GNA13: variants seen among roughly 807,000 people sequenced by gnomAD.
GNA13 encodes guanine nucleotide-binding protein subunit alpha-13.
GNA13 carries 4 observed loss-of-function variants against 33.5 expected under a neutral mutation model. That is an observed-to-expected ratio of 0.12 (90% CI 0.06 to 0.27). The LOEUF (loss-of-function observed/expected upper bound fraction) is 0.27. Among genes scored for constraint, GNA13 ranks in the 10% least tolerant of loss-of-function variants. The pLI is 1.00. For synonymous variants in GNA13, 176 were observed against 183.8 expected, an observed-to-expected ratio of 0.96 and a Z score of 0.34; for missense variants, 319 against 487.2, an observed-to-expected ratio of 0.65 and a Z score of 3.25.
At chr17:65,042,724 G>A (rs983849109) in intron 2 of GNA13, among the ~76,000 whole-genome samples, 15 of 152,012 alleles carry the variant, frequency 9.9e-5, no homozygotes, top group African/African-American at 2.9e-4. Flanking sequence ...GCAACAGAGC[G>A]AGACTCCATC....
Position 65,023,544 on chromosome 17 carries a change from T to C in GNA13, c.511-5241A>G, listed in dbSNP as rs1221698346. The stretch of plus-strand genomic sequence containing the variant: ...GGGCAGACTTGATTTGATTTCTGAA[T>C]GAATTCAACCTAAAATTACAAGGCA... On this transcript the variant is annotated intron_variant, in intron 2 of 3. Coordinates refer to ENST00000439174, the MANE Select transcript of GNA13 (RefSeq NM_006572.6). Among the ~76,000 whole-genome samples, 5 of 152,254 alleles carry C rather than the reference T, an allele frequency of 3.3e-5. 1 individual carries two copies. The highest frequency in any genetic ancestry group is 1.2e-4 in the African/African-American group (5 of 41,468).
In GNA13 at chr17:65,010,669, T is replaced by C. The variant is rs1906157635; in HGVS notation, c.*3588A>G. On this transcript the variant is annotated 3_prime_UTR_variant, in exon 4 of 4. Transcript: ENST00000439174. ...AAAAAGACATGAGCAAAACTTCTGG[T>C]CTTAATTTCTCAAATAAAACTAAAA... 1 of 204,746 alleles carries C rather than the reference T, an allele frequency of 4.9e-6. No individual in the cohort carries two copies. 12.7% of individuals were successfully genotyped at this position (204,746 alleles called of 1,614,324 possible). A position where few individuals can be genotyped will look rare whatever the true frequency, so the allele number is the denominator to read the frequency against.
rs2143779536 is a variant in GNA13, at chr17:65,022,091, T to C, written c.511-3788A>G. On this transcript the variant is annotated intron_variant, in intron 2 of 3. Coordinates refer to ENST00000439174, the MANE Select transcript of GNA13 (RefSeq NM_006572.6). The stretch of plus-strand genomic sequence containing the variant: ...GGCCAAATCCAACCCAATGCCTGTT[T>C]TTGTACGGCTCATTTTTAAATGGTT... Among the ~76,000 whole-genome samples, 2 of 152,330 alleles carry C rather than the reference T, an allele frequency of 1.3e-5. 1 individual carries two copies. The highest frequency in any genetic ancestry group is 4.1e-4 in the South Asian group (2 of 4,830).
intron 2 of GNA13, among the ~76,000 whole-genome samples, chr17:65,041,218 A>G (rs967863923): frequency 2.6e-5 from 4 of 152,198 alleles, no homozygotes; most frequent in African/African-American, 9.6e-5. Context: ...AACCTTTCCA[A>G]AAGAGTTTAA....
At chr17:65,028,087 G>A (rs564039713) in intron 2 of GNA13, among the ~76,000 whole-genome samples, 3 of 152,326 alleles carry the variant, frequency 2.0e-5, no homozygotes, top group East Asian at 3.9e-4. Context: ...TCAGCCGGGC[G>A]CGGTGGCGGG....
At chr17:65,015,319 C>A (rs1906323940) in intron 3 of GNA13, among the ~76,000 whole-genome samples, 1 of 152,108 alleles carries the variant, frequency 6.6e-6, no homozygotes, top group African/African-American at 2.4e-5. Flanking sequence ...CCAGAGTGAT[C>A]TTCCTGTCTG....
Position 65,012,399 on chromosome 17 carries a change from C to A in GNA13, c.*1858G>T, listed in dbSNP as rs1906222812. The A allele has an allele frequency of 4.5e-6, 1 of 221,918 alleles. No homozygotes were observed. 13.7% of individuals were successfully genotyped at this position (221,918 alleles called of 1,614,324 possible). A position where few individuals can be genotyped will look rare whatever the true frequency, so the allele number is the denominator to read the frequency against. ...ATTATGCTAATTTTGTGAATTTAAA[C>A]AATGTATTCTTTTTGGCAAGAAGCA... is the stretch of plus-strand genomic sequence containing the variant. On this transcript the variant is annotated 3_prime_UTR_variant, in exon 4 of 4. Coordinates refer to ENST00000439174, the MANE Select transcript of GNA13 (RefSeq NM_006572.6).
At chr17:65,044,375 C>CTAT (rs1481536155) in intron 2 of GNA13, among the ~76,000 whole-genome samples, 1 of 151,958 alleles carries the variant, frequency 6.6e-6, no homozygotes, top group Non-Finnish European at 1.5e-5. Flanking sequence ...GATAGGTTCA[C>CTAT]AATATAGACA....
Position 65,014,908 on chromosome 17 carries a change from T to C in GNA13, c.562-79A>G. Reference sequence around the variant, plus strand: ...TTTAATGGACTACTAACTGGACTAGTGAATAGATATGCAAACAAAATGATC... The same window carrying C: ...TTTAATGGACTACTAACTGGACTAGCGAATAGATATGCAAACAAAATGATC... On this transcript the variant is annotated intron_variant, in intron 3 of 3. Transcript: ENST00000439174. This position sits in a 1 kb window ranked among gnomAD's most constrained non-coding sequence, Gnocchi z 5.3. The C allele has an allele frequency of 1.4e-6, 1 of 739,418 alleles. No individual in the cohort carries two copies. Among genetic ancestry groups the C allele is most frequent in the Non-Finnish European group, 2.3e-6 (1 of 438,148 alleles). The allele number at this position is 739,418 out of a possible 1,614,324, so 45.8% of individuals were successfully genotyped here. A position where few individuals can be genotyped will look rare whatever the true frequency, so the allele number is the denominator to read the frequency against.
intron 2 of GNA13, among the ~76,000 whole-genome samples, chr17:65,040,294 A>G (rs1907407191): frequency 6.6e-6 from 1 of 152,250 alleles, no homozygotes; most frequent in Non-Finnish European, 1.5e-5. Context: ...GTTGAAATGT[A>G]TATTATCTTT....
rs1906148635 is a variant in GNA13 at position 65,010,450 on chromosome 17, C to T, written c.*3807G>A. Among the ~76,000 whole-genome samples the T allele has an allele frequency of 6.6e-6, 1 of 152,000 alleles. No homozygotes were observed. On this transcript the variant is annotated 3_prime_UTR_variant, in exon 4 of 4. Transcript: ENST00000439174. ...CACCCACACCCACCCACAATCTCTC[C>T]CCTCCTCATGTTTACTAGACTGAAA... is the stretch of plus-strand genomic sequence containing the variant.
chr17:65,012,359 T>C lies in GNA13; in HGVS notation c.*1898A>G, dbSNP rs1027284111. 1.3e-5 allele frequency: 3 copies of C among 223,396 alleles called. No individual in the cohort carries two copies. The highest frequency in any genetic ancestry group is 1.1e-4 in the Admixed American group (2 of 17,462). 13.8% of individuals were successfully genotyped at this position (223,396 alleles called of 1,614,324 possible). Reference sequence around the variant, plus strand: ...ATGTTACTGTGCACATATTCCGATATTCATTAGCACTGCAATTATGCTAAT... The same window carrying C: ...ATGTTACTGTGCACATATTCCGATACTCATTAGCACTGCAATTATGCTAAT... On this transcript the variant is annotated 3_prime_UTR_variant, in exon 4 of 4. Transcript: ENST00000439174.
intron 2 of GNA13, among the ~76,000 whole-genome samples, chr17:65,052,471 CT>C (rs1294812226): frequency 6.6e-6 from 1 of 152,190 alleles, no homozygotes; most frequent in Non-Finnish European, 1.5e-5. Flanking sequence ...TTACTTTTAA[CT>C]GTCACTTCAT....
Position 65,046,966 on chromosome 17 carries a change from A to G in GNA13, c.510+6536T>C, listed in dbSNP as rs115928150. ...AGTTTTCACCCAAAAAAATGCGAAC[A>G]TGAAAATTTCAACATAATAGAATAC... On this transcript the variant is annotated intron_variant, in intron 2 of 3. Coordinates refer to ENST00000439174, the MANE Select transcript of GNA13 (RefSeq NM_006572.6). 4.0e-3 allele frequency among the ~76,000 whole-genome samples: 610 copies of G among 152,368 alleles called. 1 individual carries two copies. Among genetic ancestry groups the G allele is most frequent in the African/African-American group, 0.014 (595 of 41,586 alleles).
intron 2 of GNA13, 69 bp downstream of exon 2, chr17:65,053,433 G>T (rs1369552040): frequency 6.3e-6 from 6 of 949,770 alleles, no homozygotes; most frequent in Non-Finnish European, 1.0e-5. Context: ...TCGCATTAGG[G>T]ATGTGCAACC....
At chr17:65,049,940 C>T (rs1907802422) in intron 2 of GNA13, among the ~76,000 whole-genome samples, 1 of 152,136 alleles carries the variant, frequency 6.6e-6, no homozygotes, top group Non-Finnish European at 1.5e-5. Flanking sequence ...ATAATTCTGG[C>T]AGAGGGACTA....
chr17:65,016,834 C>T (rs1179638568), intron 3 of GNA13, among the ~76,000 whole-genome samples: 1 of 152,226 alleles, frequency 6.6e-6, no homozygotes, highest in Admixed American at 6.5e-5. Flanking sequence ...TTCAGCCTAC[C>T]TCTGCATTTT....
At chr17:65,037,088 T>C (rs139577625) in intron 2 of GNA13, among the ~76,000 whole-genome samples, 16 of 152,242 alleles carry the variant, frequency 1.1e-4, no homozygotes, top group African/African-American at 2.6e-4. Context: ...CCCAACTAAA[T>C]TGGAAATGAT....
At chr17:65,055,579 C>T (rs1908016156) in intron 1 of GNA13, 1 of 984,546 alleles carries the variant, frequency 1.0e-6, no homozygotes, top group Non-Finnish European at 1.2e-6. Flanking sequence ...AGAAATCACA[C>T]GCAAACATCC....
Sources: gnomAD v4.1 joint callset for allele counts (sites outside exome capture counted in the v4.1 genomes callset) on GRCh38, gnomAD v4.1.1 for gene constraint, Gnocchi (gnomAD v3.1) non-coding constraint, MANE v1.5 for transcripts, NCBI Gene and HGNC (gene_info 2026-07-23, HGNC 2026-07-21) for gene names.